MTA1: variants seen among roughly 807,000 people sequenced by gnomAD.
MTA1 encodes metastasis-associated protein MTA1.
Under a neutral mutation model 97.0 loss-of-function variants are expected in MTA1, and 15 were observed. The ratio of observed to expected loss-of-function variants is 0.15; its 90% CI spans 0.10 to 0.24. MTA1 has a LOEUF of 0.24. MTA1 is among the 10% of genes least tolerant of loss of function. MTA1 has a pLI of 1.00. For synonymous variants in MTA1, 435 were observed against 417.5 expected, an observed-to-expected ratio of 1.04 and a Z score of -0.51; for missense variants, 709 against 1,015.1, an observed-to-expected ratio of 0.70 and a Z score of 4.10.
intron 1 of MTA1, among the ~76,000 whole-genome samples, chr14:105,430,586 A>C (rs2082149507): frequency 6.6e-6 from 1 of 152,214 alleles, no homozygotes; most frequent in Non-Finnish European, 1.5e-5. Context: ...ACTTGACTTG[A>C]TGCACGTTGC....
chr14:105,463,510 T>C lies in MTA1; in HGVS notation c.1035T>C (p.Ala345=), dbSNP rs372666017. 11 of 1,613,000 alleles carry C rather than the reference T, an allele frequency of 6.8e-6. No individual in the cohort carries two copies. The African/African-American group carries it at 1.2e-4, about 18-fold the overall frequency. ...RYVQQKRLKA[A]EAESKLKQVY... ...GTTTTAAGAAACGCTTGAAAGCAGC[T>C]GAAGCTGAGAGCAAGTTAAAGCAAG... The change falls in exon 12 of 21, where the codon GCT becomes GCC. Residue 345 remains alanine (A), a synonymous_variant. Transcript: ENST00000331320. This position sits in a 1 kb window ranked among gnomAD's most constrained non-coding sequence, Gnocchi z 5.9.
Position 105,464,807 on chromosome 14 carries a change from G to C in MTA1, c.1478G>C (p.Trp493Ser). Residue 493 changes from tryptophan (W) to serine (S), a missense_variant, in exon 15 of 21, where the codon TGG (tryptophan) becomes TCG (serine). By Grantham distance (177) the Trp-to-Ser change is radical (BLOSUM62 -3). Around this residue, in one of 2 missense-constraint regions of MTA1, gnomAD observed 388 missense variants for 421.6 expected, o/e 0.92. Transcript: ENST00000331320. ...RRLCREILRP[W>S]HAARHPYLPI... Reference sequence around the variant, plus strand: ...CTGTGCCGTGAGATCCTGCGCCCGTGGCACGCTGCGCGGCACCCCTACCTG... The same window carrying C: ...CTGTGCCGTGAGATCCTGCGCCCGTCGCACGCTGCGCGGCACCCCTACCTG... 1 of 1,603,932 alleles carries C rather than the reference G, an allele frequency of 6.2e-7. No homozygotes were observed. Among genetic ancestry groups the C allele is most frequent in the African/African-American group, 1.3e-5 (1 of 74,810 alleles).
At chr14:105,421,288 C>T (rs2081826601) in intron 1 of MTA1, among the ~76,000 whole-genome samples, 2 of 152,172 alleles carry the variant, frequency 1.3e-5, no homozygotes, top group Admixed American at 6.5e-5. Context: ...GCGCTGAGCC[C>T]ACCCCACGCT....
intron 1 of MTA1, among the ~76,000 whole-genome samples, chr14:105,425,228 T>TG (rs1396807104): frequency 6.6e-6 from 1 of 152,140 alleles, no homozygotes; most frequent in East Asian, 1.9e-4. Context: ...GAGACCTGGT[T>TG]GGGGGGCAGC....
chr14:105,445,384 G>A (rs782216799), intron 2 of MTA1, 34 bp from the exon 3 acceptor site: 49 of 1,602,848 alleles, frequency 3.1e-5, no homozygotes, highest in South Asian at 5.5e-5. Context: ...GGGTTTGGTC[G>A]CGTTTCTCAG....
At chr14:105,469,112 G>A (rs782116811) in intron 18 of MTA1, 15 of 508,294 alleles carry the variant, frequency 3.0e-5, no homozygotes, top group Admixed American at 1.6e-4. Context: ...GGCTTGTGCC[G>A]CTGCTGGACT....
intron 2 of MTA1, among the ~76,000 whole-genome samples, chr14:105,442,712 T>A (rs999325422): frequency 6.6e-6 from 1 of 152,158 alleles, no homozygotes; most frequent in Non-Finnish European, 1.5e-5. Flanking sequence ...AGACCCCGAG[T>A]GTGACTGAGT....
intron 1 of MTA1, among the ~76,000 whole-genome samples, chr14:105,432,376 G>A (rs2082201947): frequency 2.6e-5 from 4 of 152,100 alleles, no homozygotes; most frequent in Admixed American, 2.6e-4. Flanking sequence ...AAGTAGCTGG[G>A]ATTACAGGCA....
intron 10 of MTA1, among the ~76,000 whole-genome samples, chr14:105,462,637 AGTGG>A (rs1555431294): frequency 4.0e-5 from 6 of 151,550 alleles, no homozygotes; most frequent in African/African-American, 1.5e-4. Context: ...GGGAGGCCGA[AGTGG>A]GTGGACCACT....
At position 105,422,447 on chromosome 14, in the gene MTA1, C is replaced by T. The variant is rs2081874433; in HGVS notation, c.28+2384C>T. Among the ~76,000 whole-genome samples the T allele has an allele frequency of 6.6e-6, 1 of 152,156 alleles. No homozygotes were observed. Among genetic ancestry groups the T allele is most frequent in the African/African-American group, 2.4e-5 (1 of 41,426 alleles). ...CCTGGCACGGGCTCCATCTGGGTGG[C>T]CAGTCCTGGCCTGTGGGAGATGCCG... On this transcript the variant is annotated intron_variant, in intron 1 of 20. Coordinates refer to ENST00000331320, the MANE Select transcript of MTA1 (RefSeq NM_004689.4). The surrounding 1 kb of genome is among the most constrained non-coding windows in gnomAD (Gnocchi z 4.3).
At chr14:105,431,582 ATTAC>A (rs2082178692) in intron 1 of MTA1, among the ~76,000 whole-genome samples, 1 of 152,212 alleles carries the variant, frequency 6.6e-6, no homozygotes, top group African/African-American at 2.4e-5. Context: ...TATTCATTCT[ATTAC>A]TTGTTGGCAG....
chr14:105,454,115 G>A lies in MTA1; in HGVS notation c.433-78G>A, dbSNP rs587616977. On this transcript the variant is annotated intron_variant, in intron 6 of 20. Coordinates refer to ENST00000331320, the MANE Select transcript of MTA1 (RefSeq NM_004689.4). The stretch of plus-strand genomic sequence containing the variant: ...CTGGGCAAGACCCTCCCAGCAGCCC[G>A]GCCGTGCTGACGCCTCTCTGACCCT... The A allele has an allele frequency of 1.2e-4, 137 of 1,097,930 alleles. No individual in the cohort carries two copies. In the East Asian group the frequency reaches 3.2e-3, roughly 26 times the overall value. The allele number at this position is 1,097,930 out of a possible 1,614,324, so 68.0% of individuals were successfully genotyped here. A position where few individuals can be genotyped will look rare whatever the true frequency, so the allele number is the denominator to read the frequency against.
chr14:105,463,980 C>A lies in MTA1; in HGVS notation c.1077-52C>A. The A allele has an allele frequency of 6.3e-7, 1 of 1,584,378 alleles. No individual in the cohort carries two copies. Among genetic ancestry groups the A allele is most frequent in the South Asian group, 1.1e-5 (1 of 90,092 alleles). On this transcript the variant is annotated intron_variant, in intron 12 of 20. Coordinates refer to ENST00000331320, the MANE Select transcript of MTA1 (RefSeq NM_004689.4). The surrounding 1 kb of genome is among the most constrained non-coding windows in gnomAD (Gnocchi z 5.9). ...GCGGTGCCTGCTGGGCACATGGGCC[C>A]TCGAGGTTTGTGCTCCTGCAACTCC... is the stretch of plus-strand genomic sequence containing the variant.
At chr14:105,431,874 C>T (rs2082187522) in intron 1 of MTA1, among the ~76,000 whole-genome samples, 3 of 152,120 alleles carry the variant, frequency 2.0e-5, no homozygotes, top group African/African-American at 4.8e-5. Context: ...GATCCGCCCA[C>T]CTCAGCCTCC....
At chr14:105,465,253 C>A in intron 16 of MTA1, 70 bp downstream of exon 16, 2 of 1,315,246 alleles carry the variant, frequency 1.5e-6, no homozygotes, top group Non-Finnish European at 2.0e-6. Context: ...AGCTCATGCA[C>A]TGGTGCTCCC....
At position 105,432,166 on chromosome 14, in the gene MTA1, T is replaced by C. The variant is rs587757963; in HGVS notation, c.29-6506T>C. Among the ~76,000 whole-genome samples the C allele has an allele frequency of 2.6e-5, 4 of 152,360 alleles. No homozygotes were observed. The South Asian group carries it at 8.3e-4, about 32-fold the overall frequency. Reference sequence around the variant, plus strand: ...GTGCCTGGCCTAAAGCTGAACATCTTGACTTGCTGTCCTGTGCAGCAGCTT... The same window carrying C: ...GTGCCTGGCCTAAAGCTGAACATCTCGACTTGCTGTCCTGTGCAGCAGCTT... On this transcript the variant is annotated intron_variant, in intron 1 of 20. Transcript: ENST00000331320.
At chr14:105,458,208 A>G in intron 7 of MTA1, 62 bp from the exon 8 acceptor site, 1 of 1,428,816 alleles carries the variant, frequency 7.0e-7, no homozygotes. Flanking sequence ...CCCGGGGAGG[A>G]GAGGCGCGGC....
rs782147950 is a variant in MTA1, at chr14:105,458,297, G to A, written c.578G>A (p.Arg193Lys). 1 of 1,612,708 alleles carries A rather than the reference G, an allele frequency of 6.2e-7. No individual in the cohort carries two copies. Among genetic ancestry groups the A allele is most frequent in the East Asian group, 2.2e-5 (1 of 44,850 alleles). Reference protein sequence around the residue: ...EGEEDGRDQSRLETQVWEAHN... With the variant: ...EGEEDGRDQSKLETQVWEAHN... ...GAGGAGGATGGCCGAGACCAGTCCA[G>A]GTTGGAGACCCAGGTGTGGGAGGCG... The change falls in exon 8 of 21, where the codon AGG becomes AAG. Residue 193 changes from arginine (R) to lysine (K), a missense_variant. By Grantham distance (26) the Arg-to-Lys change is conservative. Around this residue, in one of 2 missense-constraint regions of MTA1, gnomAD observed 321 missense variants for 593.5 expected, o/e 0.54. Transcript: ENST00000331320.
chr14:105,466,936 A>G, intron 18 of MTA1, 194 bp downstream of exon 18: 1 of 624,236 alleles, frequency 1.6e-6, no homozygotes, highest in East Asian at 2.9e-5. Flanking sequence ...GAGCCCAGGC[A>G]TCTGGCCCTC....
Sources: allele counts gnomAD v4.1 joint callset (sites outside exome capture counted in the v4.1 genomes callset), GRCh38; gene constraint gnomAD v4.1.1; regional missense constraint gnomAD v4.1.1; non-coding constraint Gnocchi (gnomAD v3.1); transcripts MANE v1.5; gene names NCBI Gene and HGNC (gene_info 2026-07-23, HGNC 2026-07-21).